The following STK39 variants were observed in gnomAD, a reference collection of about 807,000 sequenced individuals.
STK39 encodes the protein serine/threonine kinase 39, also known as STE20/SPS1-related proline-alanine-rich protein kinase.
In STK39, 20 loss-of-function variants were observed where a neutral mutation model predicts 77.8. The ratio of observed to expected loss-of-function variants is 0.26; its 90% CI spans 0.18 to 0.37. The LOEUF is 0.37. Ranked by LOEUF, STK39 falls within the 10% of genes least tolerant of loss-of-function variation. STK39 has a pLI of 1.00. For synonymous variants in STK39, 246 were observed against 234.1 expected, an observed-to-expected ratio of 1.05 and a Z score of -0.47; for missense variants, 479 against 656.5, an observed-to-expected ratio of 0.73 and a Z score of 2.95.
intron 16 of STK39, among the ~76,000 whole-genome samples, chr2:168,005,999 A>G (rs1684123567): frequency 6.6e-6 from 1 of 152,212 alleles, no homozygotes; most frequent in Non-Finnish European, 1.5e-5. Context: ...CCGTCAAAGG[A>G]AAACTACAGA....
At chr2:167,988,437 A>G (rs554495394) in intron 16 of STK39, among the ~76,000 whole-genome samples, 4 of 152,262 alleles carry the variant, frequency 2.6e-5, no homozygotes, top group South Asian at 2.1e-4. Context: ...GCTTCCCAAC[A>G]TGAAATCCCA....
At chr2:167,971,459 T>C (rs1189434686) in intron 16 of STK39, among the ~76,000 whole-genome samples, 1 of 152,020 alleles carries the variant, frequency 6.6e-6, no homozygotes, top group Non-Finnish European at 1.5e-5. Context: ...CTTCTGCACG[T>C]AGGTAGGAAA....
chr2:168,185,779 T>C (rs2105639517), intron 1 of STK39, among the ~76,000 whole-genome samples: 1 of 152,314 alleles, frequency 6.6e-6, no homozygotes, highest in East Asian at 1.9e-4. Flanking sequence ...TTGCATTTAG[T>C]GCATTTAGTG....
chr2:168,060,028 C>T (rs926741754), intron 14 of STK39, among the ~76,000 whole-genome samples: 1 of 152,050 alleles, frequency 6.6e-6, no homozygotes, highest in Non-Finnish European at 1.5e-5. Flanking sequence ...ATGTATTTAC[C>T]ATTTTCGTTT....
chr2:168,149,506 AC>A (rs1688226187), intron 5 of STK39, among the ~76,000 whole-genome samples: 3 of 152,198 alleles, frequency 2.0e-5, no homozygotes, highest in African/African-American at 7.2e-5. Context: ...GAGATAATTA[AC>A]GTTTCTGCTG....
At chr2:168,211,339 C>T (rs151242337) in intron 1 of STK39, among the ~76,000 whole-genome samples, 1 of 152,286 alleles carries the variant, frequency 6.6e-6, no homozygotes, top group East Asian at 1.9e-4. Context: ...TCATTTCAAA[C>T]ACATGAGTCA....
At chr2:167,976,636 C>T (rs187077174) in intron 16 of STK39, among the ~76,000 whole-genome samples, 2 of 152,180 alleles carry the variant, frequency 1.3e-5, no homozygotes, top group East Asian at 1.9e-4. Flanking sequence ...CACCTGGACC[C>T]GCCAACCTCT....
At chr2:167,989,711 A>G (rs1394509200) in intron 16 of STK39, among the ~76,000 whole-genome samples, 1 of 152,178 alleles carries the variant, frequency 6.6e-6, no homozygotes, top group Non-Finnish European at 1.5e-5. Flanking sequence ...TTCCTAGAAA[A>G]GTAAAAATGA....
intron 16 of STK39, among the ~76,000 whole-genome samples, chr2:167,982,096 T>C (rs1464389618): frequency 6.6e-6 from 1 of 152,158 alleles, no homozygotes; most frequent in Non-Finnish European, 1.5e-5. Flanking sequence ...CAAATCTGTA[T>C]AGAAAGTCTG....
rs1685915693 is a variant in STK39, at chr2:168,070,620, AGT to A, written c.1242+4360_1242+4361del. Reference sequence around the variant, plus strand: ...CTCCCCCAACTCCATGACAGGCCCCAGTGTGTGATGTTCCCCATCCTGTGTCC... The same window carrying A: ...CTCCCCCAACTCCATGACAGGCCCCAGTGTGATGTTCCCCATCCTGTGTCC... On this transcript the variant is annotated intron_variant, in intron 12 of 17. Transcript: ENST00000355999. Among the ~76,000 whole-genome samples the A allele has an allele frequency of 8.5e-5, 9 of 105,336 alleles. No individual in the cohort carries two copies. The Admixed American group carries it at 1.2e-3, about 14-fold the overall frequency. 69.1% of individuals were successfully genotyped at this position (105,336 alleles called of 152,430 possible). A position where few individuals can be genotyped will look rare whatever the true frequency, so the allele number is the denominator to read the frequency against.
intron 13 of STK39, 144 bp from the exon 14 acceptor site, chr2:168,063,714 C>T (rs1172793107): frequency 6.3e-6 from 4 of 631,800 alleles, no homozygotes; most frequent in Non-Finnish European, 1.1e-5. Flanking sequence ...TCTTTGGCAT[C>T]GTAACACCTC....
chr2:168,236,559 T>C (rs1176350145), intron 1 of STK39, among the ~76,000 whole-genome samples: 1 of 152,228 alleles, frequency 6.6e-6, no homozygotes, highest in Non-Finnish European at 1.5e-5. Flanking sequence ...TGCCTAGGTT[T>C]TCTTCTAGGG....
At chr2:168,030,179 T>G (rs1005291369) in intron 14 of STK39, among the ~76,000 whole-genome samples, 3 of 152,194 alleles carry the variant, frequency 2.0e-5, no homozygotes, top group East Asian at 1.9e-4. Context: ...GGCGGAGCTT[T>G]CAGTGAGCCG....
At chr2:168,135,398 A>G (rs1276448820) in intron 8 of STK39, among the ~76,000 whole-genome samples, 2 of 152,182 alleles carry the variant, frequency 1.3e-5, no homozygotes, top group Non-Finnish European at 2.9e-5. Flanking sequence ...TGGGTATTTT[A>G]AGGCCCACTG....
intron 17 of STK39, among the ~76,000 whole-genome samples, chr2:167,960,924 G>A (rs78961230): frequency 0.058 from 8,755 of 152,196 alleles, 369 homozygotes; most frequent in Middle Eastern, 0.11. Flanking sequence ...CTGTGTCCCA[G>A]CCCCCAAGAG....
At chr2:168,209,859 C>T (rs1201491579) in intron 1 of STK39, among the ~76,000 whole-genome samples, 3 of 151,754 alleles carry the variant, frequency 2.0e-5, no homozygotes, top group Admixed American at 6.6e-5. Flanking sequence ...ACTAATCAGG[C>T]GTGGTGGCAG....
intron 14 of STK39, among the ~76,000 whole-genome samples, chr2:168,033,748 T>C (rs1684883770): frequency 1.3e-5 from 2 of 152,214 alleles, no homozygotes; most frequent in Admixed American, 1.3e-4. Flanking sequence ...ACTCAGCCTG[T>C]CCTACCTTGG....
At chr2:167,975,837 G>A (rs141393539) in intron 16 of STK39, among the ~76,000 whole-genome samples, 14 of 152,256 alleles carry the variant, frequency 9.2e-5, no homozygotes, top group Non-Finnish European at 1.5e-4. Flanking sequence ...GCAGAAAGCC[G>A]GCTTAGCCAA....
At chr2:168,005,339 CAA>C (rs1436459076) in intron 16 of STK39, among the ~76,000 whole-genome samples, 1 of 151,406 alleles carries the variant, frequency 6.6e-6, no homozygotes, top group Non-Finnish European at 1.5e-5. Flanking sequence ...ATTCCTTTCC[CAA>C]GAGACCAGAC....
Sources: allele counts gnomAD v4.1 joint callset (sites outside exome capture counted in the v4.1 genomes callset), GRCh38; gene constraint gnomAD v4.1.1; transcripts MANE v1.5; gene names NCBI Gene and HGNC (gene_info 2026-07-23, HGNC 2026-07-21).